STK33: variants seen among roughly 807,000 people sequenced by gnomAD.
STK33 encodes the protein serine/threonine-protein kinase 33.
A neutral mutation model predicts 58.0 loss-of-function variants in STK33; 52 were observed. The ratio of observed to expected loss-of-function variants is 0.90; its 90% CI spans 0.72 to 1.13. The LOEUF is 1.13. Ranked by LOEUF, STK33 falls within the 50% of genes most tolerant of loss-of-function variation. STK33 has a pLI of 0.00. For synonymous variants in STK33, 215 were observed against 200.1 expected (o/e 1.07, Z -0.63); for missense variants, 630 against 604.2 (o/e 1.04, Z -0.45).
At chr11:8,478,746 G>C (rs1949517780) in intron 2 of STK33, among the ~76,000 whole-genome samples, 1 of 150,250 alleles carries the variant, frequency 6.7e-6, no homozygotes, top group South Asian at 2.1e-4. Context: ...CAAGTAAAGG[G>C]GAAAAAAAAA....
chr11:8,479,123 C>T (rs1489435881), intron 2 of STK33, among the ~76,000 whole-genome samples: 1 of 152,046 alleles, frequency 6.6e-6, no homozygotes, highest in Non-Finnish European at 1.5e-5. Context: ...CAGTTAAAAG[C>T]GAGAACAGAG....
chr11:8,444,704 T>C (rs1192666704), intron 11 of STK33, among the ~76,000 whole-genome samples: 1 of 151,972 alleles, frequency 6.6e-6, no homozygotes, highest in Non-Finnish European at 1.5e-5. Context: ...GAAACAATTT[T>C]CTAGAAAAAC....
chr11:8,534,226 G>T (rs1424127488), intron 1 of STK33, among the ~76,000 whole-genome samples: 1 of 151,580 alleles, frequency 6.6e-6, no homozygotes, highest in Admixed American at 6.6e-5. Flanking sequence ...AGTGAGCCAA[G>T]ATCGCACCAC....
At chr11:8,433,653 T>C (rs34773896) in intron 14 of STK33, among the ~76,000 whole-genome samples, 1 of 152,180 alleles carries the variant, frequency 6.6e-6, no homozygotes, top group Non-Finnish European at 1.5e-5. Context: ...TCTCCTACAG[T>C]CTTCCATATC....
chr11:8,397,869 A>G (rs1024283216), intron 15 of STK33, among the ~76,000 whole-genome samples: 1 of 152,200 alleles, frequency 6.6e-6, no homozygotes, highest in Non-Finnish European at 1.5e-5. Context: ...CAGTGATGGA[A>G]GACCAAATGA....
chr11:8,479,540 C>T (rs1328783384), intron 2 of STK33, among the ~76,000 whole-genome samples: 1 of 151,964 alleles, frequency 6.6e-6, no homozygotes, highest in Non-Finnish European at 1.5e-5. Flanking sequence ...TCTCCCTCTC[C>T]ATTATAAGCA....
chr11:8,507,424 A>G (rs1951943986), intron 1 of STK33, among the ~76,000 whole-genome samples: 1 of 152,192 alleles, frequency 6.6e-6, no homozygotes, highest in African/African-American at 2.4e-5. Context: ...ATACATATAA[A>G]ATACTTATAC....
At chr11:8,406,963 T>C (rs945914770) in intron 15 of STK33, among the ~76,000 whole-genome samples, 5 of 141,122 alleles carry the variant, frequency 3.5e-5, no homozygotes, top group Non-Finnish European at 7.6e-5. Context: ...AGAATGATAC[T>C]AATTGTAGTT....
the STK33 span, among the ~76,000 whole-genome samples, chr11:8,354,998 G>A: frequency 6.6e-6 from 1 of 152,266 alleles, no homozygotes; most frequent in African/African-American, 2.4e-5. Context: ...GAGCAAAGCT[G>A]CTGGAGCTGC....
rs867873464 is a variant in STK33 at position 8,464,742 on chromosome 11, C to T, written c.420G>A (p.Thr140=). The change falls in exon 7 of 16, where the codon ACG becomes ACA. Residue 140 remains threonine (T), a synonymous_variant. Coordinates refer to ENST00000687296, the MANE Select transcript of STK33 (RefSeq NM_001352389.2). ...TGTTCACTTTTTTAATTGCCCACTT[C>T]GTTTCTGTTTCCTTGTCTGTCGCTT... is the stretch of plus-strand genomic sequence containing the variant. ...VIEATDKETE[T]KWAIKKVNKE... 6.2e-6 allele frequency: 10 copies of T among 1,613,292 alleles called. 1 individual carries two copies. The highest frequency in any genetic ancestry group is 3.3e-5 in the South Asian group (3 of 91,030).
At chr11:8,429,784 A>G (rs989749748) in intron 14 of STK33, among the ~76,000 whole-genome samples, 2 of 151,438 alleles carry the variant, frequency 1.3e-5, no homozygotes, top group Non-Finnish European at 3.0e-5. Flanking sequence ...TTTCTATTTA[A>G]CTCCTGACTC....
chr11:8,528,881 T>C (rs1024014703), intron 1 of STK33, among the ~76,000 whole-genome samples: 2 of 152,254 alleles, frequency 1.3e-5, no homozygotes, highest in Non-Finnish European at 2.9e-5. Flanking sequence ...GGAAATAACA[T>C]GTGCCAGGTA....
chr11:8,530,686 CTTTTA>C (rs1194638162), intron 1 of STK33, among the ~76,000 whole-genome samples: 5 of 152,116 alleles, frequency 3.3e-5, no homozygotes, highest in African/African-American at 7.2e-5. Flanking sequence ...AAGCATTTCT[CTTTTA>C]TTTTATTTTA....
rs1281256662 is a variant in STK33, at chr11:8,515,527, C to T, written c.-465-34913G>A. Among the ~76,000 whole-genome samples, 4 of 151,996 alleles carry T rather than the reference C, an allele frequency of 2.6e-5. No individual in the cohort carries two copies. The South Asian group carries it at 6.2e-4, about 24-fold the overall frequency. Reference sequence around the variant, plus strand: ...ATACCAAAGCCAGATAAAGATACCACGAAAAAGGAAAACTACATGACAATA... The same window carrying T: ...ATACCAAAGCCAGATAAAGATACCATGAAAAAGGAAAACTACATGACAATA... On this transcript the variant is annotated intron_variant, in intron 1 of 15. Coordinates refer to ENST00000687296, the MANE Select transcript of STK33 (RefSeq NM_001352389.2).
chr11:8,576,299 G>T (rs555191836), intron 1 of STK33, among the ~76,000 whole-genome samples: 1 of 152,296 alleles, frequency 6.6e-6, no homozygotes, highest in South Asian at 2.1e-4. Context: ...GTTCCAAGGT[G>T]ACCTCCCTCA....
intron 14 of STK33, among the ~76,000 whole-genome samples, chr11:8,414,197 T>A (rs1940766639): frequency 6.6e-6 from 1 of 152,200 alleles, no homozygotes; most frequent in Non-Finnish European, 1.5e-5. Flanking sequence ...CCCTTACCTG[T>A]CTGGAAGATT....
chr11:8,449,664 G>T (rs1946022461), intron 11 of STK33, among the ~76,000 whole-genome samples: 4 of 148,444 alleles, frequency 2.7e-5, no homozygotes, highest in Middle Eastern at 3.2e-3. Context: ...AGCATTAGGA[G>T]ATATACCTAA....
chr11:8,557,611 A>G (rs1414242598), intron 1 of STK33, among the ~76,000 whole-genome samples: 1 of 152,148 alleles, frequency 6.6e-6, no homozygotes, highest in Non-Finnish European at 1.5e-5. Context: ...AGAAAGCATT[A>G]TAAGTCAGAT....
the STK33 span, among the ~76,000 whole-genome samples, chr11:8,355,990 T>C: frequency 6.6e-6 from 1 of 152,160 alleles, no homozygotes; most frequent in Non-Finnish European, 1.5e-5. Flanking sequence ...AGCCAGGAGC[T>C]TCTCCTTGAG....
Sources: allele counts gnomAD v4.1 joint callset (sites outside exome capture counted in the v4.1 genomes callset), GRCh38; gene constraint gnomAD v4.1.1; transcripts MANE v1.5; gene names NCBI Gene and HGNC (gene_info 2026-07-23, HGNC 2026-07-21).